Variants in SLC38A11 observed in about 807,000 individuals in gnomAD.
The protein encoded by SLC38A11 is solute carrier family 38 member 11.
A neutral mutation model predicts 49.4 loss-of-function variants in SLC38A11; 51 were observed. The ratio of observed to expected loss-of-function variants is 1.03; its 90% CI spans 0.83 to 1.30. The LOEUF is 1.30. SLC38A11 is among the 50% of genes most tolerant of loss of function. The pLI is 0.00. For synonymous variants in SLC38A11, 203 were observed against 192.9 expected (o/e 1.05, Z -0.43); for missense variants, 574 against 556.2 (o/e 1.03, Z -0.32).
chr2:164,895,291 A>C lies in SLC38A11; in HGVS notation c.*3146T>G, dbSNP rs1186436251. Among the ~76,000 whole-genome samples, 2 of 152,192 alleles carry C rather than the reference A, an allele frequency of 1.3e-5. No individual in the cohort carries two copies. Among genetic ancestry groups the C allele is most frequent in the Non-Finnish European group, 1.5e-5 (1 of 68,036 alleles). ...TTTTAGAATAAGCATACATTCTTAA[A>C]AGCGCTTATTCTATTGAGGTAGCAA... is the stretch of plus-strand genomic sequence containing the variant. On this transcript the variant is annotated 3_prime_UTR_variant, in exon 12 of 12. Coordinates refer to ENST00000685975, the MANE Select transcript of SLC38A11 (RefSeq NM_001351537.2).
intron 10 of SLC38A11, among the ~76,000 whole-genome samples, chr2:164,910,363 A>G (rs2105455124): frequency 6.6e-6 from 1 of 152,234 alleles, no homozygotes; most frequent in African/African-American, 2.4e-5. Flanking sequence ...TGATCTAGAG[A>G]TTAGATTTGA....
At chr2:164,899,616 C>G (rs1165803246) in intron 11 of SLC38A11, among the ~76,000 whole-genome samples, 1 of 151,940 alleles carries the variant, frequency 6.6e-6, no homozygotes, top group Non-Finnish European at 1.5e-5. Context: ...ATGTAACATA[C>G]ATTAAAATTT....
At chr2:164,911,890 T>C (rs887303374) in intron 9 of SLC38A11, 142 bp from the exon 10 acceptor site, 1 of 502,954 alleles carries the variant, frequency 2.0e-6, no homozygotes, top group Non-Finnish European at 3.5e-6. Context: ...TTTTACTATA[T>C]ATTTTTCTAT....
chr2:164,917,538 T>C (rs1421480529), intron 7 of SLC38A11, among the ~76,000 whole-genome samples: 3 of 152,134 alleles, frequency 2.0e-5, no homozygotes. Flanking sequence ...AAAAGCAGCA[T>C]ACCTGTTAAA....
rs771811185 is a variant in SLC38A11, at chr2:164,952,768, T to C, written c.168A>G (p.Ser56=). The C allele has an allele frequency of 6.2e-7, 1 of 1,601,066 alleles. No homozygotes were observed. Among genetic ancestry groups the C allele is most frequent in the East Asian group, 2.2e-5 (1 of 44,778 alleles). ...IGSGIIGLPY[S]MKQAGFPLGI... ...CCAAAGGAAACCCAGCTTGCTTCAT[T>C]GAATAAGGCAATCCTGAAAAAACAT... The change falls in exon 3 of 12, where the codon TCA becomes TCG. Residue 56 remains serine, a synonymous_variant. Coordinates refer to ENST00000685975, the MANE Select transcript of SLC38A11 (RefSeq NM_001351537.2).
At chr2:164,922,648 A>G (rs13012509) in intron 7 of SLC38A11, among the ~76,000 whole-genome samples, 11,782 of 152,234 alleles carry the variant, frequency 0.077, 485 homozygotes, top group Admixed American at 0.11. Flanking sequence ...TCATTAAAAG[A>G]ACTATACTAC....
chr2:164,940,010 T>G (rs1004903533), intron 5 of SLC38A11, among the ~76,000 whole-genome samples: 1 of 148,854 alleles, frequency 6.7e-6, no homozygotes, highest in Non-Finnish European at 1.5e-5. Flanking sequence ...TTTTTTTTTT[T>G]TCTATACGCA....
chr2:164,919,874 T>G (rs1237861852), intron 7 of SLC38A11, among the ~76,000 whole-genome samples: 1 of 152,202 alleles, frequency 6.6e-6, no homozygotes, highest in African/African-American at 2.4e-5. Context: ...AGAAATAGTA[T>G]ACAGTATATA....
chr2:164,904,365 G>A (rs991606645), intron 11 of SLC38A11, among the ~76,000 whole-genome samples: 10 of 151,960 alleles, frequency 6.6e-5, no homozygotes, highest in Non-Finnish European at 1.3e-4. Context: ...CTTAGTGTGT[G>A]TTTGCTTTGG....
intron 7 of SLC38A11, among the ~76,000 whole-genome samples, chr2:164,919,591 G>C (rs996536007): frequency 2.6e-5 from 4 of 152,048 alleles, no homozygotes; most frequent in Non-Finnish European, 5.9e-5. Context: ...CCCTCCATTG[G>C]ATATCAAAAG....
chr2:164,931,241 C>CAAAAAAAAAAAAAAAAAAA (rs71028455), intron 7 of SLC38A11, among the ~76,000 whole-genome samples: 1 of 74,786 alleles, frequency 1.3e-5, no homozygotes, highest in Non-Finnish European at 2.5e-5. Context: ...TGATCCCCCA[C>CAAAAAAAAAAAAAAAAAAA]AAAAAAAAAA....
rs1021348793 is a variant in SLC38A11, at chr2:164,895,475, G to T, written c.*2962C>A. ...AGACAGACTATTATTCCTTTCCTAAGCAAGGCTATAGCAGATAAACCAGGA... is the reference window on the plus strand; with the variant it reads ...AGACAGACTATTATTCCTTTCCTAATCAAGGCTATAGCAGATAAACCAGGA... On this transcript the variant is annotated 3_prime_UTR_variant, in exon 12 of 12. Coordinates refer to ENST00000685975, the MANE Select transcript of SLC38A11 (RefSeq NM_001351537.2). Among the ~76,000 whole-genome samples, 10 of 152,108 alleles carry T rather than the reference G, an allele frequency of 6.6e-5. No homozygotes were observed. The highest frequency in any genetic ancestry group is 2.4e-4 in the African/African-American group (10 of 41,422).
intron 3 of SLC38A11, 89 bp from the exon 4 acceptor site, chr2:164,945,816 A>T: frequency 2.8e-6 from 4 of 1,422,318 alleles, no homozygotes; most frequent in Middle Eastern, 1.8e-4. Flanking sequence ...GAAAAGGGGA[A>T]ATTTTAAAGA....
In SLC38A11 at chr2:164,915,222, G is replaced by T. The variant is rs199668861; in HGVS notation, c.740C>A (p.Pro247His). 1 of 1,611,678 alleles carries T rather than the reference G, an allele frequency of 6.2e-7. No homozygotes were observed. Among genetic ancestry groups the T allele is most frequent in the Non-Finnish European group, 8.5e-7 (1 of 1,178,670 alleles). Reference sequence around the variant, plus strand: ...AAGGCGGGACCACTTAGCTACTGTGGGTTCTTCTAGAGAACTGTAAACTAA... The same window carrying T: ...AAGGCGGGACCACTTAGCTACTGTGTGTTCTTCTAGAGAACTGTAAACTAA... ...SFLVYSSLEE[P>H]TVAKWSRLIH... Residue 247 changes from proline to histidine, a missense_variant, in exon 9 of 12, where the codon CCC becomes CAC. By Grantham distance (77) the Pro-to-His change is moderately conservative. Transcript: ENST00000685975.
At chr2:164,954,597 C>A in intron 2 of SLC38A11, 34 bp downstream of exon 2, 2 of 1,143,326 alleles carry the variant, frequency 1.7e-6, no homozygotes, top group East Asian at 5.4e-5. Flanking sequence ...TTTGCCCTTT[C>A]ACTTAAAATT....
chr2:164,926,307 GC>G, intron 7 of SLC38A11, among the ~76,000 whole-genome samples: 1 of 152,218 alleles, frequency 6.6e-6, no homozygotes, highest in South Asian at 2.1e-4. Context: ...CTTCATCTCT[GC>G]CAAACTCTCT....
chr2:164,903,198 G>GTGTC (rs1553489452), intron 11 of SLC38A11, among the ~76,000 whole-genome samples: 9 of 151,922 alleles, frequency 5.9e-5, no homozygotes, highest in Non-Finnish European at 1.2e-4. Flanking sequence ...GTGTGTGTGT[G>GTGTC]TGTGTATGTG....
In SLC38A11 at chr2:164,921,199, G is replaced by A. The variant is rs532099711; in HGVS notation, c.618-5226C>T. Among the ~76,000 whole-genome samples, 64 of 152,310 alleles carry A rather than the reference G, an allele frequency of 4.2e-4. 1 individual carries two copies. In the South Asian group the frequency reaches 9.5e-3, roughly 23 times the overall value. Reference sequence around the variant, plus strand: ...TAGACTCATATTACTTAGAAATAGAGATGTGAATGCCAAGAGATAAGGCTT... The same window carrying A: ...TAGACTCATATTACTTAGAAATAGAAATGTGAATGCCAAGAGATAAGGCTT... On this transcript the variant is annotated intron_variant, in intron 7 of 11. Coordinates refer to ENST00000685975, the MANE Select transcript of SLC38A11 (RefSeq NM_001351537.2).
In SLC38A11 at chr2:164,895,793, A is replaced by T. The variant is rs1265617216; in HGVS notation, c.*2644T>A. 1 of 152,166 alleles carries T rather than the reference A, an allele frequency of 6.6e-6. No individual in the cohort carries two copies. Among genetic ancestry groups the T allele is most frequent in the East Asian group, 1.9e-4 (1 of 5,200 alleles). The allele number at this position is 152,166 out of a possible 1,614,324, so 9.4% of individuals were successfully genotyped here. A position where few individuals can be genotyped will look rare whatever the true frequency, so the allele number is the denominator to read the frequency against. On this transcript the variant is annotated 3_prime_UTR_variant, in exon 12 of 12. Transcript: ENST00000685975. ...GGTCATAGACAGTTTACCCATTCTG[A>T]TGTTTGAAGATGGTTCAAGTTAGTT...
Sources: allele counts gnomAD v4.1 joint callset (sites outside exome capture counted in the v4.1 genomes callset), GRCh38; gene constraint gnomAD v4.1.1; transcripts MANE v1.5; gene names NCBI Gene and HGNC (gene_info 2026-07-23, HGNC 2026-07-21).